The following ZFYVE27 variants were observed in gnomAD, a reference collection of about 807,000 sequenced individuals.
ZFYVE27 encodes protrudin.
ZFYVE27 carries 36 observed loss-of-function variants against 52.8 expected under a neutral mutation model. The observed-to-expected ratio is 0.68, with a 90% CI of 0.52 to 0.90. The LOEUF is 0.90. Ranked by LOEUF, ZFYVE27 falls within the 40% of genes least tolerant of loss-of-function variation. The probability of loss-of-function intolerance (pLI) is 0.00; values close to 1 mark genes in which losing one functional copy is unlikely to be tolerated. For missense variants in ZFYVE27, 450 were observed against 527.2 expected, an observed-to-expected ratio of 0.85 and a Z score of 1.43; for synonymous variants, 223 against 215.6, an observed-to-expected ratio of 1.03 and a Z score of -0.30.
chr10:97,741,719 A>T (rs1279031300), intron 2 of ZFYVE27, among the ~76,000 whole-genome samples: 2 of 152,212 alleles, frequency 1.3e-5, no homozygotes, highest in African/African-American at 4.8e-5. Context: ...CTACGTAACA[A>T]ACCTGCACGT....
chr10:97,738,328 A>T (rs987529861), intron 1 of ZFYVE27, 149 bp from the exon 2 acceptor site: 2 of 819,472 alleles, frequency 2.4e-6, no homozygotes, highest in African/African-American at 1.7e-5. Context: ...AGAGCATTGG[A>T]TGGAGAGTAC....
At chr10:97,744,666 C>G in intron 3 of ZFYVE27, 63 bp from the exon 4 acceptor site, 1 of 1,595,262 alleles carries the variant, frequency 6.3e-7, no homozygotes, top group South Asian at 1.1e-5. Context: ...CAGTGGGCGT[C>G]TGGGTGGGCC....
At chr10:97,753,000 C>A in intron 9 of ZFYVE27, 38 bp from the exon 10 acceptor site, 1 of 1,612,924 alleles carries the variant, frequency 6.2e-7, no homozygotes, top group Non-Finnish European at 8.5e-7. Context: ...TGCAGCCTTG[C>A]AAGAGGTGGG....
At position 97,759,229 on chromosome 10, in the gene ZFYVE27, T is replaced by C. The variant is rs1271214915; in HGVS notation, c.1172-7T>C. ...AAATGTCTCACCAAGTTCTTCCTCC[T>C]TTTCAGCCCCTGAAGCCCAGAGGGA... On this transcript the variant is annotated splice_polypyrimidine_tract_variant and splice_region_variant and intron_variant, in intron 12 of 12. Coordinates refer to ENST00000684270, the MANE Select transcript of ZFYVE27 (RefSeq NM_001385875.1). 2 of 1,614,024 alleles carry C rather than the reference T, an allele frequency of 1.2e-6. No homozygotes were observed. Among genetic ancestry groups the C allele is most frequent in the South Asian group, 1.1e-5 (1 of 91,092 alleles).
In ZFYVE27 at chr10:97,743,115, C is replaced by G. The variant is rs969294428; in HGVS notation, c.219C>G (p.Ser73=). The G allele has an allele frequency of 6.2e-6, 10 of 1,614,240 alleles. No homozygotes were observed. Among genetic ancestry groups the G allele is most frequent in the Non-Finnish European group, 8.5e-6 (10 of 1,180,048 alleles). Residue 73 remains serine, a synonymous_variant, in exon 3 of 13, where the codon TCC becomes TCG. Transcript: ENST00000684270. ...GTAGGTGGCAGATGCCTTTGTGTTC[C>G]TTGCTGACCTGCCTGGGCCTCAACG... ...YLLRWQMPLC[S]LLTCLGLNVL...
chr10:97,745,361 AG>A (rs1338091390), intron 4 of ZFYVE27, among the ~76,000 whole-genome samples: 1 of 151,948 alleles, frequency 6.6e-6, no homozygotes, highest in Non-Finnish European at 1.5e-5. Flanking sequence ...TTGTATTTTT[AG>A]TAGAGACCGG....
intron 8 of ZFYVE27, 66 bp from the exon 9 acceptor site, chr10:97,752,791 G>T: frequency 6.3e-7 from 1 of 1,585,698 alleles, no homozygotes; most frequent in Admixed American, 1.8e-5. Flanking sequence ...CCTCCAGGTA[G>T]CTTCTTTCTT....
At chr10:97,749,341 A>T in intron 5 of ZFYVE27, 133 bp from the exon 6 acceptor site, 1 of 746,204 alleles carries the variant, frequency 1.3e-6, no homozygotes, top group South Asian at 1.4e-5. Flanking sequence ...CGCTGGTTTG[A>T]TGAGCGGCTC....
At chr10:97,749,331 C>T (rs1208206129) in intron 5 of ZFYVE27, 143 bp from the exon 6 acceptor site, 7 of 721,724 alleles carry the variant, frequency 9.7e-6, no homozygotes, top group East Asian at 2.7e-5. Context: ...CGCCATTTTC[C>T]GCTGGTTTGA....
chr10:97,752,192 C>T (rs1364981952), intron 8 of ZFYVE27, among the ~76,000 whole-genome samples: 2 of 152,162 alleles, frequency 1.3e-5, no homozygotes, highest in African/African-American at 4.8e-5. Context: ...CCATTTGTCA[C>T]ATTTGCGTTT....
chr10:97,738,401 C>T, intron 1 of ZFYVE27, 76 bp from the exon 2 acceptor site: 1 of 1,531,858 alleles, frequency 6.5e-7, no homozygotes, highest in Non-Finnish European at 9.0e-7. Flanking sequence ...ACTGTTGGCA[C>T]CACCTGAATC....
At chr10:97,757,149 G>A in intron 10 of ZFYVE27, 116 bp from the exon 11 acceptor site, 4 of 1,454,554 alleles carry the variant, frequency 2.7e-6, no homozygotes, top group Non-Finnish European at 2.9e-6. Context: ...GGCTCACTGT[G>A]TCCAGCCAAG....
In ZFYVE27 at chr10:97,757,712, T is replaced by C. The variant is rs981557189; in HGVS notation, c.1160T>C (p.Met387Thr). The C allele has an allele frequency of 6.2e-7, 1 of 1,614,160 alleles. No homozygotes were observed. Among genetic ancestry groups the C allele is most frequent in the South Asian group, 1.1e-5 (1 of 91,088 alleles). ...CCSFKVPKSS[M>T]GATAPEAQRE... ...TCCTTCAAGGTGCCCAAGTCCTCCATGGGGGCCACAGGTGAGTGGTGCAGG... is the reference window on the plus strand; with the variant it reads ...TCCTTCAAGGTGCCCAAGTCCTCCACGGGGGCCACAGGTGAGTGGTGCAGG... Residue 387 changes from methionine to threonine, a missense_variant, in exon 12 of 13, where the codon ATG becomes ACG. Coordinates refer to ENST00000684270, the MANE Select transcript of ZFYVE27 (RefSeq NM_001385875.1).
chr10:97,748,259 G>C lies in ZFYVE27; in HGVS notation c.456-10G>C, dbSNP rs1407740709. ...GTCCTGCCCACTCACCAAAGCCCCT[G>C]TGTCTGTAGCTTGATCCAGCTGGAG... On this transcript the variant is annotated splice_polypyrimidine_tract_variant and intron_variant, in intron 4 of 12. Transcript: ENST00000684270. The C allele has an allele frequency of 1.9e-6, 3 of 1,613,786 alleles. No homozygotes were observed. Among genetic ancestry groups the C allele is most frequent in the South Asian group, 2.2e-5 (2 of 91,068 alleles).
At chr10:97,742,384 G>T (rs1696056172) in intron 2 of ZFYVE27, among the ~76,000 whole-genome samples, 1 of 152,084 alleles carries the variant, frequency 6.6e-6, no homozygotes, top group South Asian at 2.1e-4. Flanking sequence ...TCCCTGTTTG[G>T]GGGCTTCTGC....
chr10:97,746,512 C>A (rs2136101211), intron 4 of ZFYVE27, among the ~76,000 whole-genome samples: 1 of 152,272 alleles, frequency 6.6e-6, no homozygotes, highest in East Asian at 1.9e-4. Flanking sequence ...GCAAACGTGA[C>A]TTAATACTTC....
chr10:97,746,220 T>C (rs1183715083), intron 4 of ZFYVE27, among the ~76,000 whole-genome samples: 1 of 151,924 alleles, frequency 6.6e-6, no homozygotes, highest in East Asian at 1.9e-4. Context: ...AGCTAATTTT[T>C]GTATTTTTAG....
chr10:97,752,975 T>C, intron 9 of ZFYVE27, 63 bp from the exon 10 acceptor site: 2 of 1,612,720 alleles, frequency 1.2e-6, no homozygotes, highest in Non-Finnish European at 1.7e-6. Context: ...GCAGGATGCC[T>C]CTGCACACGG....
chr10:97,748,668 G>A (rs2046111917), intron 5 of ZFYVE27, among the ~76,000 whole-genome samples: 1 of 152,142 alleles, frequency 6.6e-6, no homozygotes, highest in Non-Finnish European at 1.5e-5. Flanking sequence ...CTACTTTACG[G>A]ATGTATAGTT....
Sources: allele counts gnomAD v4.1 joint callset (sites outside exome capture counted in the v4.1 genomes callset), GRCh38; gene constraint gnomAD v4.1.1; transcripts MANE v1.5; gene names NCBI Gene and HGNC (gene_info 2026-07-23, HGNC 2026-07-21).